RRM1: variants seen among roughly 807,000 people sequenced by gnomAD.
RRM1 encodes the protein ribonucleotide reductase catalytic subunit M1.
A neutral mutation model predicts 101.5 loss-of-function variants in RRM1; 19 were observed. The ratio of observed to expected loss-of-function variants is 0.19; its 90% CI spans 0.13 to 0.27. The LOEUF (loss-of-function observed/expected upper bound fraction) is 0.27, where lower values mean the gene tolerates loss of function less well. Ranked by LOEUF, RRM1 falls within the 10% of genes least tolerant of loss-of-function variation. The pLI, the probability that RRM1 is intolerant of heterozygous loss-of-function variation, is 1.00. For missense variants in RRM1, 500 were observed against 962.9 expected (o/e 0.52, Z 6.36); for synonymous variants, 298 against 323.4 (o/e 0.92, Z 0.84).
chr11:4,132,337 T>C lies in RRM1; in HGVS notation c.1821T>C (p.Thr607=), dbSNP rs1246129250. Residue 607 remains threonine, a synonymous_variant, in exon 16 of 19, where the codon ACT becomes ACC. Transcript: ENST00000300738. This position sits in a 1 kb window ranked among gnomAD's most constrained non-coding sequence, Gnocchi z 4.1. ...LLIAPMPTAS[T]AQILGNNESI... ...TTGCCCCGATGCCTACAGCTTCCACTGCTCAGATCCTGGGGAATAATGAGT... is the reference window on the plus strand; with the variant it reads ...TTGCCCCGATGCCTACAGCTTCCACCGCTCAGATCCTGGGGAATAATGAGT... 2.5e-6 allele frequency: 4 copies of C among 1,614,024 alleles called. No homozygotes were observed. The African/African-American group carries it at 5.3e-5, about 22-fold the overall frequency.
At chr11:4,119,250 A>G (rs2094578126) in intron 8 of RRM1, 1 of 156,166 alleles carries the variant, frequency 6.4e-6, no homozygotes, top group African/African-American at 2.4e-5. Context: ...ACAGTGGTAG[A>G]GTGAGCTATT....
Position 4,107,512 on chromosome 11 carries a change from G to A in RRM1, c.364G>A (p.Asp122Asn). ...TCCCATGGTGGCCAAGTCAACATTG[G>A]ATATTGTTCTGGCCAATAAAGATGT... The part of the protein sequence containing the change: ...HSPMVAKSTL[D>N]IVLANKDRLN... The change falls in exon 4 of 19, where the codon GAT (aspartate) becomes AAT (asparagine). Residue 122 changes from aspartate (D) to asparagine (N), a missense_variant. Around this residue, in one of 9 missense-constraint regions of RRM1, gnomAD observed 41 missense variants for 40.7 expected, o/e 1.01. Transcript: ENST00000300738. 1 of 1,613,044 alleles carries A rather than the reference G, an allele frequency of 6.2e-7. No homozygotes were observed. Among genetic ancestry groups the A allele is most frequent in the Non-Finnish European group, 8.5e-7 (1 of 1,179,102 alleles).
At position 4,107,463 on chromosome 11, in the gene RRM1, A is replaced by G. The variant is rs773749379; in HGVS notation, c.315A>G (p.Ile105Met). 14 of 1,613,026 alleles carry G rather than the reference A, an allele frequency of 8.7e-6. No homozygotes were observed. The highest frequency in any genetic ancestry group is 1.1e-5 in the Non-Finnish European group (13 of 1,179,040). ...TGATGGAAGACCTCTATAACTACAT[A>G]AATCCACATAATGGCAAACACTCTC... Reference protein sequence around the residue: ...SDVMEDLYNYINPHNGKHSPM... With the variant: ...SDVMEDLYNYMNPHNGKHSPM... The change falls in exon 4 of 19, where the codon ATA becomes ATG. Residue 105 changes from isoleucine (I) to methionine (M), a missense_variant. Physicochemically the swap from Ile to Met is conservative, Grantham distance 10 (BLOSUM62 1). Around this residue, in one of 9 missense-constraint regions of RRM1, gnomAD observed 41 missense variants for 40.7 expected, o/e 1.01. Coordinates refer to ENST00000300738, the MANE Select transcript of RRM1 (RefSeq NM_001033.5).
Position 4,133,435 on chromosome 11 carries a change from T to C in RRM1, c.1906-128T>C, listed in dbSNP as rs528564849. The stretch of plus-strand genomic sequence containing the variant: ...ATTGATGTCTCGTCTTTATAAAAGA[T>C]AGAATTTACCAAGCAATCTAGCATT... On this transcript the variant is annotated intron_variant, in intron 16 of 18. Coordinates refer to ENST00000300738, the MANE Select transcript of RRM1 (RefSeq NM_001033.5). 1.5e-3 allele frequency: 819 copies of C among 563,032 alleles called. 1 individual carries two copies. Among genetic ancestry groups the C allele is most frequent in the Non-Finnish European group, 2.0e-3 (654 of 320,106 alleles). 34.9% of individuals were successfully genotyped at this position (563,032 alleles called of 1,614,324 possible).
intron 16 of RRM1, among the ~76,000 whole-genome samples, chr11:4,133,153 C>T (rs145243811): frequency 1.8e-4 from 27 of 152,040 alleles, no homozygotes; most frequent in African/African-American, 4.6e-4. Context: ...TATTATATAA[C>T]GATTACCACA....
At chr11:4,137,888 G>A (rs2094615541) in intron 18 of RRM1, among the ~76,000 whole-genome samples, 1 of 89,096 alleles carries the variant, frequency 1.1e-5, no homozygotes, top group African/African-American at 4.1e-5. Flanking sequence ...GCGGCTGGCC[G>A]GGCGGGGGGC....
chr11:4,133,749 T>C, intron 17 of RRM1, 91 bp downstream of exon 17: 1 of 693,136 alleles, frequency 1.4e-6, no homozygotes, highest in Non-Finnish European at 2.5e-6. Flanking sequence ...GAGAATGACT[T>C]CATTGTGTTC....
chr11:4,116,563 G>A (rs1178762646), intron 7 of RRM1, among the ~76,000 whole-genome samples: 2 of 152,182 alleles, frequency 1.3e-5, no homozygotes, highest in Non-Finnish European at 2.9e-5. Context: ...CTGTACTGCA[G>A]CCTGGGCAAA....
intron 13 of RRM1, 24 bp downstream of exon 13, chr11:4,126,857 T>C: frequency 6.4e-6 from 10 of 1,559,820 alleles, no homozygotes; most frequent in Non-Finnish European, 7.9e-6. Context: ...TCTCTGCTTA[T>C]TGGTAATTAT....
chr11:4,118,572 T>A, intron 8 of RRM1, 111 bp downstream of exon 8: 1 of 1,052,408 alleles, frequency 9.5e-7, no homozygotes, highest in Non-Finnish European at 1.4e-6. Flanking sequence ...TCTGTTAAAT[T>A]ACTAAATGGC....
intron 5 of RRM1, among the ~76,000 whole-genome samples, chr11:4,110,975 A>C (rs533808911): frequency 2.6e-5 from 4 of 151,956 alleles, no homozygotes; most frequent in African/African-American, 9.7e-5. Context: ...TTTAAGTGTT[A>C]GCTGTTGTGA....
intron 18 of RRM1, chr11:4,137,368 TCCCAGACGGGGCGGCTG>T (rs1359836279): frequency 1.2e-5 from 2 of 167,128 alleles, no homozygotes; most frequent in Admixed American, 6.5e-5. Context: ...GCCCCTCACC[TCCCAGACGGGGCGGCTG>T]GCCAGGCGGG....
At chr11:4,121,319 G>C (rs558973850) in intron 9 of RRM1, among the ~76,000 whole-genome samples, 1 of 152,192 alleles carries the variant, frequency 6.6e-6, no homozygotes, top group Non-Finnish European at 1.5e-5. Context: ...GAGCTGGGCT[G>C]TTGCTGAAGA....
chr11:4,118,001 A>G (rs960684498), intron 7 of RRM1, among the ~76,000 whole-genome samples: 1 of 152,248 alleles, frequency 6.6e-6, no homozygotes, highest in African/African-American at 2.4e-5. Context: ...ATGAATATGC[A>G]TGAGAAAATG....
chr11:4,134,109 A>G (rs2094605221), intron 17 of RRM1, among the ~76,000 whole-genome samples: 1 of 148,666 alleles, frequency 6.7e-6, no homozygotes. Context: ...CAGCCTCCCA[A>G]GTAGCTGGGA....
At chr11:4,121,917 T>A in intron 10 of RRM1, 152 bp downstream of exon 10, 1 of 775,956 alleles carries the variant, frequency 1.3e-6, no homozygotes. Context: ...GCTTGTCTTC[T>A]TATATTTCTA....
At chr11:4,133,329 G>A (rs534341093) in intron 16 of RRM1, among the ~76,000 whole-genome samples, 3 of 152,114 alleles carry the variant, frequency 2.0e-5, no homozygotes, top group South Asian at 2.1e-4. Context: ...GGCATGCTGC[G>A]CCACCATGCC....
In RRM1 at chr11:4,130,163, A is replaced by G. The variant is rs186620242; in HGVS notation, c.1769+1013A>G. On this transcript the variant is annotated intron_variant, in intron 15 of 18. Transcript: ENST00000300738. ...ACATGACTTTTTTTCTAATTTCAAA[A>G]TTAGTATATGAACACAAATTTATTA... Among the ~76,000 whole-genome samples the G allele has an allele frequency of 2.9e-3, 425 of 145,608 alleles. 1 individual carries two copies. The highest frequency in any genetic ancestry group is 0.01 in the African/African-American group (402 of 39,124).
intron 1 of RRM1, among the ~76,000 whole-genome samples, chr11:4,097,016 G>T (rs966710457): frequency 6.6e-6 from 1 of 151,476 alleles, no homozygotes; most frequent in African/African-American, 2.4e-5. Flanking sequence ...AGGGCATGGT[G>T]GCTCACGCCT....
Sources: allele counts gnomAD v4.1 joint callset (sites outside exome capture counted in the v4.1 genomes callset), GRCh38; gene constraint gnomAD v4.1.1; regional missense constraint gnomAD v4.1.1; non-coding constraint Gnocchi (gnomAD v3.1); transcripts MANE v1.5; gene names NCBI Gene and HGNC (gene_info 2026-07-23, HGNC 2026-07-21).